The following PRSS3 variants were observed in gnomAD, a reference collection of about 807,000 sequenced individuals.
PRSS3 encodes serine protease 3, also known as trypsin-3.
PRSS3 carries 14 observed loss-of-function variants against 20.8 expected under a neutral mutation model. The ratio of observed to expected loss-of-function variants is 0.67; its 90% CI spans 0.44 to 1.05. The LOEUF is 1.05. Among genes scored for constraint, PRSS3 ranks in the 50% least tolerant of loss-of-function variants. The pLI is 0.00. For missense variants in PRSS3, 237 were observed against 306.4 expected (o/e 0.77, Z 1.69); for synonymous variants, 91 against 117.6 (o/e 0.77, Z 1.46).
chr9:33,770,232 C>T (rs1457020305), intron 1 of PRSS3, among the ~76,000 whole-genome samples: 4 of 152,138 alleles, frequency 2.6e-5, no homozygotes, highest in African/African-American at 9.7e-5. Flanking sequence ...TTCCAATGTC[C>T]CACTTTTAAA....
At chr9:33,755,563 C>T (rs1265017494) in intron 1 of PRSS3, among the ~76,000 whole-genome samples, 6 of 152,252 alleles carry the variant, frequency 3.9e-5, no homozygotes, top group East Asian at 1.9e-4. Flanking sequence ...GTTCCCAATA[C>T]GGTTATATCC....
At chr9:33,794,939 T>A, upstream of PRSS3, 1 of 1,535,062 alleles carries the variant, frequency 6.5e-7, no homozygotes, top group South Asian at 1.2e-5. Context: ...TAAGCCTTGG[T>A]AGGAAGGAGA....
At chr9:33,756,646 T>C (rs1822965698) in intron 1 of PRSS3, among the ~76,000 whole-genome samples, 1 of 152,184 alleles carries the variant, frequency 6.6e-6, no homozygotes, top group Non-Finnish European at 1.5e-5. Context: ...CTATTAAATG[T>C]TTACATTCTA....
At chr9:33,783,495 G>A (rs1293635571) in intron 1 of PRSS3, among the ~76,000 whole-genome samples, 1 of 152,098 alleles carries the variant, frequency 6.6e-6, no homozygotes, top group Non-Finnish European at 1.5e-5. Context: ...ATTGTTATGT[G>A]GTAAAGCAGT....
chr9:33,757,777 TA>T (rs1823019756), intron 1 of PRSS3, among the ~76,000 whole-genome samples: 1 of 152,322 alleles, frequency 6.6e-6, no homozygotes, highest in East Asian at 1.9e-4. Flanking sequence ...TTATCTGTTT[TA>T]AACTAGCCCT....
chr9:33,764,744 C>T (rs1823346356), intron 1 of PRSS3, among the ~76,000 whole-genome samples: 1 of 152,256 alleles, frequency 6.6e-6, no homozygotes, highest in African/African-American at 2.4e-5. Flanking sequence ...GAAAAGACAA[C>T]TCACAGAATG....
intron 1 of PRSS3, among the ~76,000 whole-genome samples, chr9:33,782,177 C>A (rs1459550867): frequency 6.6e-6 from 1 of 152,178 alleles, no homozygotes; most frequent in African/African-American, 2.4e-5. Context: ...CCTTGCAGGG[C>A]CCCCCAACAG....
intron 1 of PRSS3, among the ~76,000 whole-genome samples, chr9:33,765,434 T>G (rs535606533): frequency 6.6e-6 from 1 of 152,244 alleles, no homozygotes; most frequent in Non-Finnish European, 1.5e-5. Context: ...TTTTTTTCTT[T>G]CGTTATTAAG....
intron 2 of PRSS3, among the ~76,000 whole-genome samples, chr9:33,797,442 G>A (rs1209940148): frequency 3.3e-5 from 5 of 152,250 alleles, no homozygotes; most frequent in African/African-American, 1.2e-4. Context: ...GGCCAAGAAG[G>A]GAGGGAGGAA....
chr9:33,765,424 T>A (rs1563958216), intron 1 of PRSS3, among the ~76,000 whole-genome samples: 1 of 152,208 alleles, frequency 6.6e-6, no homozygotes, highest in Admixed American at 6.5e-5. Flanking sequence ...CAGCATACTA[T>A]TTTTTTCTTT....
At chr9:33,779,412 C>A (rs757373351) in intron 1 of PRSS3, among the ~76,000 whole-genome samples, 2 of 152,128 alleles carry the variant, frequency 1.3e-5, no homozygotes, top group Non-Finnish European at 2.9e-5. Context: ...TTCTAGAGCT[C>A]AAAAATTTAC....
At chr9:33,798,648 G>C in intron 4 of PRSS3, 26 bp downstream of exon 4, 1 of 1,544,368 alleles carries the variant, frequency 6.5e-7, no homozygotes, top group Non-Finnish European at 8.8e-7. Context: ...CCCATGCTGA[G>C]GCTCCCACCG....
upstream of PRSS3, among the ~76,000 whole-genome samples, chr9:33,791,890 A>G (rs529056507): frequency 4.1e-4 from 63 of 152,292 alleles, no homozygotes; most frequent in African/African-American, 1.3e-3. Flanking sequence ...CATGTCTTCC[A>G]TGGCTTCAAG....
intron 1 of PRSS3, among the ~76,000 whole-genome samples, chr9:33,769,828 G>T (rs1823604092): frequency 6.6e-6 from 1 of 152,218 alleles, no homozygotes; most frequent in African/African-American, 2.4e-5. Context: ...GCCACCCTGT[G>T]GACCCAGACA....
chr9:33,755,262 T>A (rs1034877448), intron 1 of PRSS3, among the ~76,000 whole-genome samples: 2 of 152,246 alleles, frequency 1.3e-5, no homozygotes, highest in Admixed American at 1.3e-4. Flanking sequence ...CTTTATTTTT[T>A]AATTTTCTAC....
At chr9:33,783,839 G>A (rs1409541085) in intron 1 of PRSS3, among the ~76,000 whole-genome samples, 1 of 150,492 alleles carries the variant, frequency 6.6e-6, no homozygotes, top group African/African-American at 2.4e-5. Context: ...GCAGTGAGCC[G>A]GGATCGCACC....
chr9:33,778,414 C>CT (rs1013376156), intron 1 of PRSS3, among the ~76,000 whole-genome samples: 1 of 151,874 alleles, frequency 6.6e-6, no homozygotes, highest in African/African-American at 2.4e-5. Context: ...TAAGGAAAAC[C>CT]TTTTTCAGAG....
In PRSS3 at chr9:33,763,698, C is replaced by CAA. The variant is rs370849434; in HGVS notation, c.-53+12990_-53+12991dup. 2.6e-3 allele frequency among the ~76,000 whole-genome samples: 203 copies of CAA among 78,588 alleles called. 1 individual carries two copies. The highest frequency in any genetic ancestry group is 6.3e-3 in the Middle Eastern group (1 of 158). The allele number at this position is 78,588 out of a possible 152,430, so 51.6% of individuals were successfully genotyped here. A position where few individuals can be genotyped will look rare whatever the true frequency, so the allele number is the denominator to read the frequency against. On this transcript the variant is annotated intron_variant, in intron 1 of 5. Transcript: ENST00000342836. ...TGGGCGAAAGAGCGAGACTCTGTCTCAAAAAAAAAAAAAAAAAAAAGGTGG... is the reference window on the plus strand; with the variant it reads ...TGGGCGAAAGAGCGAGACTCTGTCTCAAAAAAAAAAAAAAAAAAAAAAGGTGG...
At chr9:33,790,509 A>T (rs1260831451) in intron 1 of PRSS3, among the ~76,000 whole-genome samples, 1 of 152,196 alleles carries the variant, frequency 6.6e-6, no homozygotes, top group Non-Finnish European at 1.5e-5. Context: ...TCCTAACTCT[A>T]CCTGCAGATG....
Sources: gnomAD v4.1 joint callset for allele counts (sites outside exome capture counted in the v4.1 genomes callset) on GRCh38, gnomAD v4.1.1 for gene constraint, MANE v1.5 for transcripts, NCBI Gene and HGNC (gene_info 2026-07-23, HGNC 2026-07-21) for gene names.